TET3: variants seen among roughly 807,000 people sequenced by gnomAD.
The protein encoded by TET3 is methylcytosine dioxygenase TET3.
A neutral mutation model predicts 141.4 loss-of-function variants in TET3; 19 were observed. That is an observed-to-expected ratio of 0.13 (90% confidence interval 0.09 to 0.20). The LOEUF (loss-of-function observed/expected upper bound fraction) is 0.20, where lower values mean the gene tolerates loss of function less well. Ranked by LOEUF, TET3 falls within the 10% of genes least tolerant of loss-of-function variation. TET3 has a pLI of 1.00. For missense variants in TET3, 1,874 were observed against 2,356.9 expected, an observed-to-expected ratio of 0.80 and a Z score of 4.24; for synonymous variants, 1,043 against 980.9, an observed-to-expected ratio of 1.06 and a Z score of -1.18.
At chr2:74,017,807 A>G (rs1423236663) in intron 3 of TET3, among the ~76,000 whole-genome samples, 1 of 149,694 alleles carries the variant, frequency 6.7e-6, no homozygotes, top group African/African-American at 2.5e-5. Flanking sequence ...TTTTTGAGAA[A>G]CCTCCATGCT....
chr2:74,091,521 C>T (rs1189345488), intron 8 of TET3, among the ~76,000 whole-genome samples: 5 of 152,232 alleles, frequency 3.3e-5, no homozygotes, highest in Non-Finnish European at 7.3e-5. Flanking sequence ...GCCTGTGTGT[C>T]CCTAGAGCTC....
chr2:74,119,630 A>C, the TET3 span, among the ~76,000 whole-genome samples: 28 of 152,306 alleles, frequency 1.8e-4, no homozygotes, highest in Non-Finnish European at 2.9e-4. Context: ...TTTATAATTA[A>C]TAAGTAATCC....
intron 3 of TET3, among the ~76,000 whole-genome samples, chr2:74,024,005 T>C (rs901359268): frequency 3.3e-5 from 5 of 152,354 alleles, no homozygotes; most frequent in Non-Finnish European, 7.3e-5. Flanking sequence ...GCTTCTTGGA[T>C]TGAAGCCTCA....
intron 5 of TET3, among the ~76,000 whole-genome samples, chr2:74,079,114 C>T (rs111348894): frequency 1.3e-4 from 20 of 152,238 alleles, no homozygotes; most frequent in African/African-American, 1.4e-4. Context: ...TTCGGGAGGC[C>T]GAGGCGGGTG....
At chr2:74,134,784 C>T in the TET3 span, 2 of 456,714 alleles carry the variant, frequency 4.4e-6, no homozygotes, top group South Asian at 3.1e-5. Flanking sequence ...CCGTGACCAC[C>T]ACCATGGACT....
intron 6 of TET3, among the ~76,000 whole-genome samples, chr2:74,084,666 G>C (rs987836080): frequency 6.6e-6 from 1 of 152,114 alleles, no homozygotes; most frequent in African/African-American, 2.4e-5. Context: ...TGTTAGCCAG[G>C]ATGGTCTCGA....
intron 3 of TET3, among the ~76,000 whole-genome samples, chr2:74,022,463 G>A (rs1039551015): frequency 2.1e-5 from 3 of 145,964 alleles, no homozygotes; most frequent in African/African-American, 7.5e-5. Flanking sequence ...GTCTCACTCT[G>A]TTGCCCCGGC....
chr2:74,116,653 C>T, the TET3 span, among the ~76,000 whole-genome samples: 1,262 of 147,172 alleles, frequency 8.6e-3, 10 homozygotes, highest in Middle Eastern at 0.038. Flanking sequence ...CCACTTCACT[C>T]CAGCCTGAGC....
the TET3 span, among the ~76,000 whole-genome samples, chr2:74,131,088 C>G: frequency 6.6e-6 from 1 of 152,042 alleles, no homozygotes; most frequent in Non-Finnish European, 1.5e-5. Flanking sequence ...TCGGTGCCTC[C>G]GCTCTCCCGT....
chr2:74,036,288 C>A (rs778790976), intron 3 of TET3, among the ~76,000 whole-genome samples: 23 of 152,250 alleles, frequency 1.5e-4, no homozygotes, highest in Non-Finnish European at 1.5e-4. Flanking sequence ...TTCAGTCCTA[C>A]GTAATAGGTG....
intron 3 of TET3, among the ~76,000 whole-genome samples, chr2:74,018,622 C>T (rs897803549): frequency 6.6e-6 from 1 of 152,166 alleles, no homozygotes; most frequent in African/African-American, 2.4e-5. Flanking sequence ...AGTACTCTTA[C>T]AGTCATGGGT....
At chr2:74,060,634 C>T (rs1261455208) in intron 4 of TET3, among the ~76,000 whole-genome samples, 1 of 151,932 alleles carries the variant, frequency 6.6e-6, no homozygotes, top group African/African-American at 2.4e-5. Context: ...AACAAGTGAA[C>T]AAAGGTCTCT....
At chr2:74,122,473 GTATA>G in the TET3 span, 2 of 117,582 alleles carry the variant, frequency 1.7e-5, no homozygotes, top group East Asian at 3.2e-4. Flanking sequence ...GTGTGTGTGT[GTATA>G]TATAAATACA....
At chr2:73,994,835 C>T (rs1423771523) in intron 2 of TET3, among the ~76,000 whole-genome samples, 1 of 151,924 alleles carries the variant, frequency 6.6e-6, no homozygotes, top group Non-Finnish European at 1.5e-5. Context: ...CAGGGTTTCA[C>T]CATGTTGGCC....
At chr2:74,128,567 A>G in the TET3 span, among the ~76,000 whole-genome samples, 3 of 152,212 alleles carry the variant, frequency 2.0e-5, no homozygotes, top group Non-Finnish European at 4.4e-5. Flanking sequence ...GCCCCATACT[A>G]ACGTAAGATG....
Position 74,101,769 on chromosome 2 carries a change from G to T in TET3, c.4981G>T (p.Gly1661Cys). The T allele has an allele frequency of 6.2e-7, 1 of 1,613,112 alleles. No individual in the cohort carries two copies. The highest frequency in any genetic ancestry group is 8.5e-7 in the Non-Finnish European group (1 of 1,179,866). The change falls in exon 12 of 12, where the codon GGC becomes TGC. Residue 1661 changes from glycine (G) to cysteine (C), a missense_variant. Gly to Cys is a radical substitution (Grantham distance 159). Transcript: ENST00000409262. This position sits in a 1 kb window ranked among gnomAD's most constrained non-coding sequence, Gnocchi z 8.5. ...IGGVAVAPAH[G>C]SILIECARRE... ...CGGCGTGGCCGTGGCCCCAGCCCAC[G>T]GCTCCATCCTCATCGAGTGTGCCCG...
At chr2:74,092,504 C>T (rs551793461) in intron 8 of TET3, among the ~76,000 whole-genome samples, 1 of 152,242 alleles carries the variant, frequency 6.6e-6, no homozygotes, top group East Asian at 1.9e-4. Context: ...CTCTTCCTGT[C>T]TGTAGCCTGG....
intron 2 of TET3, chr2:74,002,772 C>G (rs1406937493): frequency 1.9e-6 from 1 of 538,658 alleles, no homozygotes; most frequent in South Asian, 2.5e-5. Flanking sequence ...GGAGGCCCGC[C>G]GGCCGATGCA....
chr2:74,075,112 C>T (rs536840248), intron 5 of TET3, among the ~76,000 whole-genome samples: 9 of 152,044 alleles, frequency 5.9e-5, no homozygotes, highest in South Asian at 2.1e-4. Context: ...CCTTGTGATC[C>T]GCCCGCCTCG....
Sources: allele counts gnomAD v4.1 joint callset (sites outside exome capture counted in the v4.1 genomes callset), GRCh38; gene constraint gnomAD v4.1.1; non-coding constraint Gnocchi (gnomAD v3.1); transcripts MANE v1.5; gene names NCBI Gene and HGNC (gene_info 2026-07-23, HGNC 2026-07-21).